The following RBFOX1 variants were observed in gnomAD, a reference collection of about 807,000 sequenced individuals.
The protein encoded by RBFOX1 is RNA binding protein fox-1 homolog 1.
A neutral mutation model predicts 57.7 loss-of-function variants in RBFOX1; 8 were observed. That is an observed-to-expected ratio of 0.14 (90% CI 0.08 to 0.25). RBFOX1 has a LOEUF of 0.25. RBFOX1 is among the 10% of genes least tolerant of loss of function. The probability of loss-of-function intolerance (pLI) is 1.00; values close to 1 mark genes in which losing one functional copy is unlikely to be tolerated. For synonymous variants in RBFOX1, 326 were observed against 222.4 expected (o/e 1.47, Z -4.15); for missense variants, 611 against 548.5 (o/e 1.11, Z -1.14).
chr16:6,249,918 C>T (rs1598806602), intron 1 of RBFOX1, among the ~76,000 whole-genome samples: 1 of 151,966 alleles, frequency 6.6e-6, no homozygotes, highest in East Asian at 1.9e-4. Context: ...ACTGCTGTCC[C>T]TCCCCACTCC....
intron 4 of RBFOX1, among the ~76,000 whole-genome samples, chr16:5,867,532 G>A (rs1387388685): frequency 6.6e-6 from 1 of 152,080 alleles, no homozygotes; most frequent in African/African-American, 2.4e-5. Flanking sequence ...TCTTCATGGA[G>A]TGTGCGTGGT....
At chr16:6,842,158 A>ATAAG (rs1491307766) in intron 3 of RBFOX1, among the ~76,000 whole-genome samples, 1 of 90,516 alleles carries the variant, frequency 1.1e-5, no homozygotes. Flanking sequence ...AAAATAAAAA[A>ATAAG]TAAATAAATA....
At chr16:5,898,525 GTT>G (rs36121105) in intron 4 of RBFOX1, among the ~76,000 whole-genome samples, 2 of 144,204 alleles carry the variant, frequency 1.4e-5, no homozygotes, top group African/African-American at 2.6e-5. Context: ...CAGTAGCAGG[GTT>G]TTTTTTTTTT....
chr16:7,359,932 C>A (rs973132703), intron 4 of RBFOX1, among the ~76,000 whole-genome samples: 1 of 150,946 alleles, frequency 6.6e-6, no homozygotes, highest in Admixed American at 6.6e-5. Flanking sequence ...TGCAGTGAGC[C>A]GAGATCGCGC....
chr16:7,344,723 A>G (rs1412595943), intron 4 of RBFOX1, among the ~76,000 whole-genome samples: 1 of 152,184 alleles, frequency 6.6e-6, no homozygotes, highest in South Asian at 2.1e-4. Flanking sequence ...GCAAAGTGGA[A>G]CAATTTGCCC....
chr16:5,383,751 C>G (rs1328579899), intron 1 of RBFOX1, among the ~76,000 whole-genome samples: 1 of 152,220 alleles, frequency 6.6e-6, no homozygotes, highest in African/African-American at 2.4e-5. Flanking sequence ...TAGAGGACCT[C>G]AGCCATTCCC....
chr16:6,624,203 G>A (rs1045547134), intron 2 of RBFOX1, among the ~76,000 whole-genome samples: 1 of 152,104 alleles, frequency 6.6e-6, no homozygotes, highest in African/African-American at 2.4e-5. Flanking sequence ...TTAAGCACAT[G>A]GTTACTGCCT....
At chr16:7,102,731 T>C (rs947742035) in intron 4 of RBFOX1, among the ~76,000 whole-genome samples, 1 of 152,174 alleles carries the variant, frequency 6.6e-6, no homozygotes, top group Non-Finnish European at 1.5e-5. Context: ...ATTTATAAAG[T>C]TTGGAGACTT....
chr16:5,257,462 G>A (rs2062616218), intron 1 of RBFOX1, among the ~76,000 whole-genome samples: 1 of 152,128 alleles, frequency 6.6e-6, no homozygotes, highest in Admixed American at 6.5e-5. Context: ...GCACAAGGCT[G>A]GTTTCTTCCC....
chr16:7,116,389 A>G (rs147347246), intron 4 of RBFOX1, among the ~76,000 whole-genome samples: 32 of 152,242 alleles, frequency 2.1e-4, no homozygotes, highest in African/African-American at 7.5e-4. Context: ...TTTCACAGCC[A>G]TGGTTCCCAG....
chr16:6,891,399 C>G (rs1481011815), intron 3 of RBFOX1, among the ~76,000 whole-genome samples: 1 of 151,940 alleles, frequency 6.6e-6, no homozygotes, highest in Admixed American at 6.6e-5. Context: ...TTCTGAAAAC[C>G]CAGAAACCCG....
chr16:5,978,584 T>C (rs1342603315), intron 4 of RBFOX1, among the ~76,000 whole-genome samples: 2 of 152,208 alleles, frequency 1.3e-5, no homozygotes, highest in Non-Finnish European at 2.9e-5. Context: ...CAAGTCCAGG[T>C]ACCACATTGC....
intron 4 of RBFOX1, among the ~76,000 whole-genome samples, chr16:7,185,926 C>T (rs2083645479): frequency 6.6e-6 from 1 of 152,182 alleles, no homozygotes; most frequent in African/African-American, 2.4e-5. Context: ...TGGTGACTCA[C>T]TTCCTGACCC....
At chr16:6,548,437 C>T (rs568513957) in intron 2 of RBFOX1, among the ~76,000 whole-genome samples, 1 of 152,198 alleles carries the variant, frequency 6.6e-6, no homozygotes, top group Non-Finnish European at 1.5e-5. Context: ...AGGGAAGGCA[C>T]AACCAGCATA....
At chr16:6,684,405 C>A (rs907305520) in intron 3 of RBFOX1, among the ~76,000 whole-genome samples, 1 of 152,142 alleles carries the variant, frequency 6.6e-6, no homozygotes, top group African/African-American at 2.4e-5. Flanking sequence ...CATCTTTTCC[C>A]CCAGTTTAAG....
chr16:6,003,967 A>AG (rs2060648489), intron 4 of RBFOX1, among the ~76,000 whole-genome samples: 1 of 152,244 alleles, frequency 6.6e-6, no homozygotes, highest in Non-Finnish European at 1.5e-5. Context: ...AATATTCAGC[A>AG]GGCCAAACTT....
chr16:7,227,165 C>A (rs553235815), intron 4 of RBFOX1, among the ~76,000 whole-genome samples: 1 of 152,196 alleles, frequency 6.6e-6, no homozygotes, highest in East Asian at 1.9e-4. Context: ...TTATGTCACT[C>A]ATGTACATGG....
intron 4 of RBFOX1, among the ~76,000 whole-genome samples, chr16:5,871,934 T>C (rs1375220603): frequency 6.6e-6 from 1 of 152,188 alleles, no homozygotes; most frequent in African/African-American, 2.4e-5. Flanking sequence ...AATGGGAAAC[T>C]ACGCAGGTAG....
intron 1 of RBFOX1, among the ~76,000 whole-genome samples, chr16:6,272,371 A>C (rs2075304839): frequency 6.6e-6 from 1 of 152,204 alleles, no homozygotes; most frequent in Non-Finnish European, 1.5e-5. Flanking sequence ...GTCATGTACA[A>C]TGACTCAAAA....
Sources: allele counts gnomAD v4.1 joint callset (sites outside exome capture counted in the v4.1 genomes callset), GRCh38; gene constraint gnomAD v4.1.1; transcripts MANE v1.5; gene names NCBI Gene and HGNC (gene_info 2026-07-23, HGNC 2026-07-21).